Variants in DMGDH observed in about 807,000 individuals in gnomAD.
DMGDH encodes the protein dimethylglycine dehydrogenase.
DMGDH carries 76 observed loss-of-function variants against 95.2 expected under a neutral mutation model. The ratio of observed to expected loss-of-function variants is 0.80; its 90% confidence interval spans 0.66 to 0.97. The LOEUF is 0.97. DMGDH is among the 50% of genes least tolerant of loss of function. The pLI is 0.00. For synonymous variants in DMGDH, 345 were observed against 377.6 expected (o/e 0.91, Z 1.00); for missense variants, 987 against 1,055.0 (o/e 0.94, Z 0.89).
intron 9 of DMGDH, among the ~76,000 whole-genome samples, chr5:79,032,020 A>G (rs1366810317): frequency 6.6e-6 from 1 of 152,240 alleles, no homozygotes; most frequent in Non-Finnish European, 1.5e-5. Flanking sequence ...ATGACAGCAT[A>G]AAAATAAGGA....
chr5:79,055,945 A>T (rs750961356), intron 2 of DMGDH, 37 bp from the exon 3 acceptor site: 17 of 1,341,592 alleles, frequency 1.3e-5, no homozygotes, highest in Non-Finnish European at 1.7e-5. Flanking sequence ...CTGAAAAAAA[A>T]TTAACATTCT....
rs531900649 is a variant in DMGDH, at chr5:79,043,648, T to C, written c.994+656A>G. 2.0e-4 allele frequency among the ~76,000 whole-genome samples: 30 copies of C among 152,376 alleles called. 1 individual carries two copies. The highest frequency in any genetic ancestry group is 1.7e-3 in the East Asian group (9 of 5,196). ...GCCCCAGTGATTTTTTAGCTCTTTT[T>C]ATAGATTAAAAGCTGAGGTACCTCC... On this transcript the variant is annotated intron_variant, in intron 6 of 15. Transcript: ENST00000255189.
chr5:79,030,806 A>T, intron 10 of DMGDH, 27 bp downstream of exon 10: 1 of 1,611,082 alleles, frequency 6.2e-7, no homozygotes, highest in Non-Finnish European at 8.5e-7. Context: ...AGAATCCTGG[A>T]CCTTGTATCC....
chr5:79,048,909 A>G (rs546290829), intron 5 of DMGDH, among the ~76,000 whole-genome samples: 1 of 152,258 alleles, frequency 6.6e-6, no homozygotes, highest in South Asian at 2.1e-4. Context: ...GGTCTAAATG[A>G]GATAAAGAAT....
chr5:79,016,441 T>C (rs985128033), intron 14 of DMGDH, among the ~76,000 whole-genome samples: 7 of 152,136 alleles, frequency 4.6e-5, no homozygotes, highest in African/African-American at 1.7e-4. Context: ...TTTCTATAAT[T>C]TGGCAATAAA....
chr5:79,069,503 G>A lies in DMGDH; in HGVS notation c.101+17C>T. The stretch of plus-strand genomic sequence containing the variant: ...CAGCCGCCCCGTCGCCTCTGAGCAG[G>A]ACGGGGCCCCACTCACCCTTCCCGG... On this transcript the variant is annotated intron_variant, in intron 1 of 15. Coordinates refer to ENST00000255189, the MANE Select transcript of DMGDH (RefSeq NM_013391.3). 1 of 1,265,816 alleles carries A rather than the reference G, an allele frequency of 7.9e-7. No homozygotes were observed. The highest frequency in any genetic ancestry group is 2.9e-5 in the South Asian group (1 of 34,526). 78.4% of individuals were successfully genotyped at this position (1,265,816 alleles called of 1,614,324 possible).
chr5:79,021,495 G>A (rs944068321), intron 14 of DMGDH: 17 of 1,265,188 alleles, frequency 1.3e-5, no homozygotes, highest in Non-Finnish European at 1.5e-5. Context: ...ACTCCAAGAC[G>A]GAAGGAAGCA....
chr5:79,042,546 T>G, intron 6 of DMGDH, 65 bp from the exon 7 acceptor site: 1 of 1,508,356 alleles, frequency 6.6e-7, no homozygotes. Context: ...TAAAGTGATT[T>G]AAGCCTCTGA....
At chr5:79,062,848 C>T (rs1462454030) in intron 2 of DMGDH, among the ~76,000 whole-genome samples, 1 of 152,198 alleles carries the variant, frequency 6.6e-6, no homozygotes, top group African/African-American at 2.4e-5. Flanking sequence ...AATCTCAGCA[C>T]TTTGGGAGGC....
chr5:79,053,283 G>C (rs961868982), intron 4 of DMGDH, among the ~76,000 whole-genome samples: 1 of 152,056 alleles, frequency 6.6e-6, no homozygotes, highest in South Asian at 2.1e-4. Context: ...CTCCCAAGTA[G>C]CTAGGACTAC....
chr5:79,067,576 G>A (rs139101584), intron 1 of DMGDH, among the ~76,000 whole-genome samples: 84 of 152,264 alleles, frequency 5.5e-4, no homozygotes, highest in African/African-American at 1.6e-3. Flanking sequence ...TTTGCAAAAC[G>A]GAGCTGTGAA....
intron 9 of DMGDH, among the ~76,000 whole-genome samples, chr5:79,032,181 T>G (rs1754196702): frequency 6.6e-6 from 1 of 152,226 alleles, no homozygotes; most frequent in Non-Finnish European, 1.5e-5. Context: ...ATACTTTATG[T>G]TTTCGCTTAA....
Position 79,005,374 on chromosome 5 carries a change from G to A in DMGDH, c.2284C>T (p.Gln762Ter), listed in dbSNP as rs1179011927. The change falls in exon 15 of 16, where the codon CAG becomes TAG. Residue 762 changes from glutamine (Q) to a stop codon, truncating the protein, a stop_gained. Coordinates refer to ENST00000255189, the MANE Select transcript of DMGDH (RefSeq NM_013391.3). LOFTEE classifies it high-confidence loss of function. ...CGTTTCAGCCCCTTGGCTTTAATCT[G>A]TTTCAGTGCTTGCTTTCCTATGAAG... is the stretch of plus-strand genomic sequence containing the variant. ...ADFIGKQALKQIKAKGLKRRL... is the reference protein window; with the variant it reads ...ADFIGKQALK The A allele has an allele frequency of 1.2e-6, 2 of 1,614,038 alleles. No homozygotes were observed. Among genetic ancestry groups the A allele is most frequent in the East Asian group, 4.5e-5 (2 of 44,878 alleles).
At position 79,015,602 on chromosome 5, in the gene DMGDH, G is replaced by A. The variant is rs150937940; in HGVS notation, c.2250+8669C>T. ...GTGCCAGCCCTGAGCTGGGTGTTGG[G>A]GATAAAAATAATAAACAAAACATAT... On this transcript the variant is annotated intron_variant, in intron 14 of 15. Coordinates refer to ENST00000255189, the MANE Select transcript of DMGDH (RefSeq NM_013391.3). Among the ~76,000 whole-genome samples, 1,147 of 152,194 alleles carry A rather than the reference G, an allele frequency of 7.5e-3. 15 individuals are homozygous for A. The highest frequency in any genetic ancestry group is 0.026 in the African/African-American group (1,086 of 41,504).
At chr5:79,044,007 C>T (rs140211940) in intron 6 of DMGDH, among the ~76,000 whole-genome samples, 7 of 152,206 alleles carry the variant, frequency 4.6e-5, no homozygotes, top group East Asian at 3.9e-4. Context: ...GAGGAAAAAA[C>T]GGGGAGGCAG....
At chr5:79,026,635 T>C (rs1377870347) in intron 12 of DMGDH, 54 bp from the exon 13 acceptor site, 6 of 1,610,474 alleles carry the variant, frequency 3.7e-6, no homozygotes, top group Non-Finnish European at 5.1e-6. Context: ...TCACTAGATC[T>C]AATGTGCATT....
intron 5 of DMGDH, among the ~76,000 whole-genome samples, chr5:79,046,078 G>A (rs1754664375): frequency 6.6e-6 from 1 of 151,738 alleles, no homozygotes. Flanking sequence ...GTTTTGTTTT[G>A]TTTTGTTTTG....
chr5:79,059,289 C>T (rs770010462), intron 2 of DMGDH, among the ~76,000 whole-genome samples: 2 of 152,254 alleles, frequency 1.3e-5, no homozygotes, highest in Middle Eastern at 3.4e-3. Flanking sequence ...TCTGGCTTTA[C>T]GTTATTTTGA....
chr5:79,019,065 A>G (rs536769854), intron 14 of DMGDH, among the ~76,000 whole-genome samples: 2 of 152,338 alleles, frequency 1.3e-5, no homozygotes, highest in Admixed American at 1.3e-4. Context: ...GCTCATAAAG[A>G]TAACATGGCA....
Sources: allele counts gnomAD v4.1 joint callset (sites outside exome capture counted in the v4.1 genomes callset), GRCh38; gene constraint gnomAD v4.1.1; transcripts MANE v1.5; gene names NCBI Gene and HGNC (gene_info 2026-07-23, HGNC 2026-07-21).